The following CNKSR2 variants were observed in gnomAD, a reference collection of about 807,000 sequenced individuals.
CNKSR2 encodes the protein CNK homolog protein 2.
CNKSR2 carries 14 observed loss-of-function variants against 84.4 expected under a neutral mutation model. The observed-to-expected ratio is 0.17, with a 90% CI of 0.11 to 0.26. The LOEUF is 0.26. Among genes scored for constraint, CNKSR2 ranks in the 10% least tolerant of loss-of-function variants. The pLI, the probability that CNKSR2 is intolerant of heterozygous loss-of-function variation, is 1.00. For synonymous variants in CNKSR2, 275 were observed against 277.9 expected (o/e 0.99, Z 0.10); for missense variants, 485 against 771.2 (o/e 0.63, Z 4.40).
intron 4 of CNKSR2, among the ~76,000 whole-genome samples, chrX:21,470,021 C>A (rs1308554796): frequency 8.9e-6 from 1 of 112,422 alleles, no homozygotes; most frequent in Admixed American, 9.4e-5. Flanking sequence ...TTAATTCTCA[C>A]AGCATTTTTA....
At chrX:21,613,889 A>G (rs2092563292) in intron 20 of CNKSR2, among the ~76,000 whole-genome samples, 1 of 107,788 alleles carries the variant, frequency 9.3e-6, no homozygotes, top group African/African-American at 3.4e-5. Context: ...CAGTGAGCCA[A>G]GATCATGCCA....
chrX:21,433,816 A>G (rs915145010), intron 3 of CNKSR2, among the ~76,000 whole-genome samples: 5 of 110,575 alleles, frequency 4.5e-5, no homozygotes. Context: ...AATTTTATAT[A>G]TACTTATACA....
At chrX:21,513,362 T>G (rs1263905527) in intron 8 of CNKSR2, among the ~76,000 whole-genome samples, 2 of 111,907 alleles carry the variant, frequency 1.8e-5, no homozygotes, top group Non-Finnish European at 3.8e-5. Flanking sequence ...GTTATTTTAC[T>G]CAAACTAATC....
chrX:21,432,524 G>A lies in CNKSR2; in HGVS notation c.229-88G>A, dbSNP rs2090647546. 20 of 648,549 alleles carry A rather than the reference G, an allele frequency of 3.1e-5. No homozygotes were observed. In the South Asian group the frequency reaches 5.2e-4, roughly 17 times the overall value. 53.4% of individuals were successfully genotyped at this position (648,549 alleles called of 1,213,427 possible). A position where few individuals can be genotyped will look rare whatever the true frequency, so the allele number is the denominator to read the frequency against. ...TTTGTAACTCGAATGCTACCCCATTGCCTGTGCATAATAAAGTATTCAGTA... is the reference window on the plus strand; with the variant it reads ...TTTGTAACTCGAATGCTACCCCATTACCTGTGCATAATAAAGTATTCAGTA... On this transcript the variant is annotated intron_variant, in intron 2 of 21. Coordinates refer to ENST00000379510, the MANE Select transcript of CNKSR2 (RefSeq NM_014927.5).
chrX:21,438,828 T>TA (rs770228923), intron 3 of CNKSR2, among the ~76,000 whole-genome samples: 76 of 111,165 alleles, frequency 6.8e-4, no homozygotes, highest in Admixed American at 2.7e-3. Context: ...TTCATATTGA[T>TA]AAAAAACAAA....
At chrX:21,429,424 A>G (rs1391661826) in intron 2 of CNKSR2, 1 of 111,803 alleles carries the variant, frequency 8.9e-6, no homozygotes, top group Non-Finnish European at 1.9e-5. Flanking sequence ...AAGTTGAGGC[A>G]GTGCCCTCCG....
intron 15 of CNKSR2, 140 bp downstream of exon 15, chrX:21,591,334 C>G (rs2092419330): frequency 2.4e-6 from 1 of 420,239 alleles, no homozygotes; most frequent in African/African-American, 2.6e-5. Flanking sequence ...TCAATCCACC[C>G]TCTTAAAATG....
chrX:21,583,553 A>G (rs752318277), intron 13 of CNKSR2, among the ~76,000 whole-genome samples: 1 of 112,004 alleles, frequency 8.9e-6, no homozygotes, highest in East Asian at 2.8e-4. Context: ...TGTATAAGAA[A>G]GAAGCTATTG....
Position 21,374,630 on chromosome X carries a change from A to AGCC in CNKSR2, c.-252_-250dup, listed in dbSNP as rs76791548. ...CAGCAGCAGCAGCAGCAGCAGCAGC[A>AGCC]GCCGCCGCCGCCGCCGCCTTAGCGG... is the stretch of plus-strand genomic sequence containing the variant. On this transcript the variant is annotated 5_prime_UTR_variant, in exon 1 of 22. Coordinates refer to ENST00000379510, the MANE Select transcript of CNKSR2 (RefSeq NM_014927.5). 0.21 allele frequency: 91,458 copies of AGCC among 432,536 alleles called. 5,777 individuals carry two copies. Among genetic ancestry groups the AGCC allele is most frequent in the Non-Finnish European group, 0.26 (65,265 of 246,975 alleles). 35.6% of individuals were successfully genotyped at this position (432,536 alleles called of 1,213,427 possible). A position where few individuals can be genotyped will look rare whatever the true frequency, so the allele number is the denominator to read the frequency against.
At chrX:21,574,600 T>C (rs1243220710) in intron 13 of CNKSR2, among the ~76,000 whole-genome samples, 2 of 111,292 alleles carry the variant, frequency 1.8e-5, no homozygotes, top group Non-Finnish European at 3.8e-5. Context: ...AAGAACATCA[T>C]GGAGGTAACT....
At chrX:21,430,638 T>C (rs2090622672) in intron 2 of CNKSR2, among the ~76,000 whole-genome samples, 1 of 112,262 alleles carries the variant, frequency 8.9e-6, no homozygotes, top group African/African-American at 3.2e-5. Flanking sequence ...AAAAATGCTT[T>C]AACACAGGGA....
In CNKSR2 at chrX:21,544,893, A is replaced by G. The variant is rs942796308; in HGVS notation, c.1303+12826A>G. Among the ~76,000 whole-genome samples the G allele has an allele frequency of 2.7e-5, 3 of 111,534 alleles. No homozygotes were observed. In the East Asian group the frequency reaches 8.5e-4, roughly 32 times the overall value. On this transcript the variant is annotated intron_variant, in intron 11 of 21. Transcript: ENST00000379510. ...GCTTTTCCCATGGTCTTCGCAACCC[A>G]CAGACTATGAGATTCCCTCAGGTGC...
At chrX:21,564,756 T>G (rs1466059498) in intron 13 of CNKSR2, among the ~76,000 whole-genome samples, 3 of 90,488 alleles carry the variant, frequency 3.3e-5, no homozygotes, top group African/African-American at 1.5e-4. Flanking sequence ...AGAAAAATGT[T>G]TTTTTTTTTG....
At chrX:21,508,289 C>T (rs1471471852) in intron 8 of CNKSR2, among the ~76,000 whole-genome samples, 2 of 111,967 alleles carry the variant, frequency 1.8e-5, no homozygotes, top group Non-Finnish European at 3.8e-5. Flanking sequence ...ATGATCGTGC[C>T]ACTGCACTCC....
chrX:21,599,603 G>T (rs957565784), intron 17 of CNKSR2, among the ~76,000 whole-genome samples: 4 of 111,279 alleles, frequency 3.6e-5, no homozygotes, highest in African/African-American at 1.3e-4. Flanking sequence ...GAAATCAGGT[G>T]ATCCGCCCAC....
chrX:21,485,319 A>G (rs1027289114), intron 5 of CNKSR2, among the ~76,000 whole-genome samples: 2 of 111,834 alleles, frequency 1.8e-5, no homozygotes, highest in East Asian at 5.6e-4. Flanking sequence ...TTAATGTCTT[A>G]ATGTGGGATT....
intron 3 of CNKSR2, among the ~76,000 whole-genome samples, chrX:21,436,299 T>C (rs2090703942): frequency 8.9e-6 from 1 of 111,928 alleles, no homozygotes; most frequent in African/African-American, 3.2e-5. Flanking sequence ...CAGATTTTCC[T>C]TATTAACCTC....
chrX:21,562,572 C>T (rs1569243506), intron 12 of CNKSR2, among the ~76,000 whole-genome samples: 1 of 111,333 alleles, frequency 9.0e-6, no homozygotes, highest in Admixed American at 9.6e-5. Flanking sequence ...TTCCAATCTT[C>T]AATTTCTAAT....
chrX:21,469,509 T>G (rs182978573), intron 4 of CNKSR2, among the ~76,000 whole-genome samples: 3 of 111,518 alleles, frequency 2.7e-5, no homozygotes, highest in Non-Finnish European at 5.7e-5. Flanking sequence ...AAATGGAGTA[T>G]CATTTCTTAA....
Sources: gnomAD v4.1 joint callset for allele counts (sites outside exome capture counted in the v4.1 genomes callset) on GRCh38, gnomAD v4.1.1 for gene constraint, MANE v1.5 for transcripts, NCBI Gene and HGNC (gene_info 2026-07-23, HGNC 2026-07-21) for gene names.